The following ODAD2 variants were observed in gnomAD, a reference collection of about 807,000 sequenced individuals.
ODAD2 encodes outer dynein arm-docking complex subunit 2.
ODAD2 carries 89 observed loss-of-function variants against 106.8 expected under a neutral mutation model. The observed-to-expected ratio is 0.83, with a 90% CI of 0.70 to 0.99. The LOEUF (loss-of-function observed/expected upper bound fraction) is 0.99. ODAD2 is among the 50% of genes least tolerant of loss of function. ODAD2 has a pLI of 0.00. For missense variants in ODAD2, 1,168 were observed against 1,238.5 expected (o/e 0.94, Z 0.85); for synonymous variants, 404 against 436.2 (o/e 0.93, Z 0.92).
chr10:27,828,799 A>G (rs1286922267), intron 19 of ODAD2, among the ~76,000 whole-genome samples: 2 of 152,218 alleles, frequency 1.3e-5, no homozygotes, highest in Non-Finnish European at 2.9e-5. Context: ...AAATCTTACC[A>G]AGTAAGAAAA....
intron 19 of ODAD2, among the ~76,000 whole-genome samples, chr10:27,821,898 C>A (rs1836643787): frequency 1.3e-5 from 2 of 152,274 alleles, no homozygotes; most frequent in South Asian, 4.1e-4. Context: ...CTAAAACACA[C>A]CTAAAGACTT....
chr10:27,989,437 G>T (rs1224865695), intron 2 of ODAD2, among the ~76,000 whole-genome samples: 1 of 152,160 alleles, frequency 6.6e-6, no homozygotes, highest in East Asian at 1.9e-4. Flanking sequence ...TTAAGCTTCT[G>T]GAATAATGCC....
intron 19 of ODAD2, among the ~76,000 whole-genome samples, chr10:27,823,677 T>C (rs1225047275): frequency 6.6e-6 from 1 of 152,218 alleles, no homozygotes; most frequent in Non-Finnish European, 1.5e-5. Context: ...GGCATTAATA[T>C]TTGCTGTTAG....
intron 16 of ODAD2, among the ~76,000 whole-genome samples, chr10:27,918,875 A>G (rs1440868482): frequency 6.6e-6 from 1 of 151,660 alleles, no homozygotes; most frequent in Non-Finnish European, 1.5e-5. Context: ...ATACAAAGGT[A>G]TATTCAAAAA....
intron 17 of ODAD2, among the ~76,000 whole-genome samples, chr10:27,901,533 T>A (rs908051723): frequency 2.0e-5 from 3 of 151,976 alleles, no homozygotes; most frequent in Non-Finnish European, 4.4e-5. Flanking sequence ...TGGATAAAGA[T>A]CAAGACCCAC....
intron 2 of ODAD2, among the ~76,000 whole-genome samples, chr10:27,993,879 A>T (rs961180214): frequency 6.6e-6 from 1 of 152,090 alleles, no homozygotes; most frequent in Non-Finnish European, 1.5e-5. Flanking sequence ...ATCAGACTTT[A>T]AAAGTTCATA....
In ODAD2 at chr10:27,812,553, G is replaced by T; in HGVS notation, c.3094C>A (p.Arg1032Ser). 1 of 1,613,262 alleles carries T rather than the reference G, an allele frequency of 6.2e-7. No homozygotes were observed. The highest frequency in any genetic ancestry group is 8.5e-7 in the Non-Finnish European group (1 of 1,179,832). Reference sequence around the variant, plus strand: ...TTCTCTGTAGCAAGAGCCAGCCTGCGGATATTGGATATACAACCAGCTGCA... The same window carrying T: ...TTCTCTGTAGCAAGAGCCAGCCTGCTGATATTGGATATACAACCAGCTGCA... Reference protein sequence around the residue: ...EAAAGCISNIRRLALATEKAR... With the variant: ...EAAAGCISNISRLALATEKAR... Residue 1032 changes from arginine (R) to serine (S), a missense_variant, in exon 20 of 20, where the codon CGC (arginine) becomes AGC (serine). Transcript: ENST00000305242.
intron 19 of ODAD2, among the ~76,000 whole-genome samples, chr10:27,850,129 C>T (rs992675203): frequency 1.3e-5 from 2 of 152,144 alleles, no homozygotes; most frequent in Non-Finnish European, 1.5e-5. Flanking sequence ...TTAGTTTCCT[C>T]GTCTGCGAAC....
At chr10:27,927,451 A>G (rs1035438844) in intron 16 of ODAD2, among the ~76,000 whole-genome samples, 10 of 152,174 alleles carry the variant, frequency 6.6e-5, no homozygotes, top group Non-Finnish European at 1.5e-4. Flanking sequence ...AGTAGGTCCT[A>G]TAAATCTAGC....
intron 19 of ODAD2, among the ~76,000 whole-genome samples, chr10:27,813,941 G>A (rs541218149): frequency 5.9e-5 from 9 of 152,222 alleles, no homozygotes; most frequent in African/African-American, 1.9e-4. Flanking sequence ...TTCAATAAAT[G>A]GCCCCAGAAC....
intron 17 of ODAD2, among the ~76,000 whole-genome samples, chr10:27,873,955 G>T (rs1350929467): frequency 6.6e-6 from 1 of 152,096 alleles, no homozygotes; most frequent in Non-Finnish European, 1.5e-5. Context: ...TGACAGTGGG[G>T]TGTTAAAGTC....
chr10:27,876,505 T>G (rs906927795), intron 17 of ODAD2, among the ~76,000 whole-genome samples: 2 of 152,224 alleles, frequency 1.3e-5, no homozygotes. Flanking sequence ...GAAGGAAAAC[T>G]AATGAATCTG....
rs1589850700 is a variant in ODAD2 at position 27,862,625 on chromosome 10, A to C, written c.2611-3T>G. On this transcript the variant is annotated splice_region_variant and splice_polypyrimidine_tract_variant and intron_variant, in intron 17 of 19. Coordinates refer to ENST00000305242, the MANE Select transcript of ODAD2 (RefSeq NM_018076.5). Reference sequence around the variant, plus strand: ...GAACGAACCATTTCCCCAGCATCCTAGACAAAAATAAAAGTAAAGATGGTA... The same window carrying C: ...GAACGAACCATTTCCCCAGCATCCTCGACAAAAATAAAAGTAAAGATGGTA... 6.3e-7 allele frequency: 1 copy of C among 1,587,868 alleles called. No individual in the cohort carries two copies. The highest frequency in any genetic ancestry group is 2.3e-5 in the East Asian group (1 of 43,886).
intron 17 of ODAD2, among the ~76,000 whole-genome samples, chr10:27,876,061 G>A (rs539687853): frequency 9.3e-4 from 141 of 152,290 alleles, no homozygotes; most frequent in Non-Finnish European, 1.2e-3. Flanking sequence ...CTCGAACTGC[G>A]TGGAGCCCAC....
In ODAD2 at chr10:27,882,233, G is replaced by GAAAGAAAT. The variant is rs1451039386; in HGVS notation, c.2611-19612_2611-19611insATTTCTTT. On this transcript the variant is annotated intron_variant, in intron 17 of 19. Coordinates refer to ENST00000305242, the MANE Select transcript of ODAD2 (RefSeq NM_018076.5). ...AGAAAGAAAGAAAGAAAGAAAGAAA[G>GAAAGAAAT]AAATATGAACTCTCTGATCTCATTC... is the stretch of plus-strand genomic sequence containing the variant. 3.2e-4 allele frequency among the ~76,000 whole-genome samples: 46 copies of GAAAGAAAT among 145,342 alleles called. No homozygotes were observed. In the South Asian group the frequency reaches 3.5e-3, roughly 11 times the overall value.
At chr10:27,829,612 CAT>C (rs999171944) in intron 19 of ODAD2, among the ~76,000 whole-genome samples, 3 of 152,134 alleles carry the variant, frequency 2.0e-5, no homozygotes, top group Non-Finnish European at 4.4e-5. Context: ...AAACCTAAAA[CAT>C]ATTATCGTAA....
Position 27,915,093 on chromosome 10 carries a change from A to C in ODAD2, c.2496-7316T>G, listed in dbSNP as rs142765382. ...ATTAATCCATAGGTCCAAGAAGCTCAGCGAACCCTAAATAAAAGTAAAAGC... is the reference window on the plus strand; with the variant it reads ...ATTAATCCATAGGTCCAAGAAGCTCCGCGAACCCTAAATAAAAGTAAAAGC... On this transcript the variant is annotated intron_variant, in intron 16 of 19. Coordinates refer to ENST00000305242, the MANE Select transcript of ODAD2 (RefSeq NM_018076.5). Among the ~76,000 whole-genome samples the C allele has an allele frequency of 3.2e-3, 486 of 152,262 alleles. 3 individuals carry two copies. Among genetic ancestry groups the C allele is most frequent in the African/African-American group, 0.01 (432 of 41,558 alleles).
chr10:27,953,106 G>A lies in ODAD2; in HGVS notation c.1387-8144C>T, dbSNP rs553438303. 4.6e-5 allele frequency among the ~76,000 whole-genome samples: 7 copies of A among 152,260 alleles called. No homozygotes were observed. The South Asian group carries it at 1.0e-3, about 23-fold the overall frequency. ...CTGTGCAATCATTACTACGATGAAA[G>A]TAATAAATATATCCATCACCTGAAA... On this transcript the variant is annotated intron_variant, in intron 10 of 19. Coordinates refer to ENST00000305242, the MANE Select transcript of ODAD2 (RefSeq NM_018076.5).
intron 6 of ODAD2, among the ~76,000 whole-genome samples, chr10:27,982,267 C>T (rs1375988581): frequency 7.9e-5 from 12 of 152,114 alleles, no homozygotes; most frequent in East Asian, 7.7e-4. Context: ...CATTTCTATA[C>T]GTATGACCAG....
Sources: gnomAD v4.1 joint callset for allele counts (sites outside exome capture counted in the v4.1 genomes callset) on GRCh38, gnomAD v4.1.1 for gene constraint, MANE v1.5 for transcripts, NCBI Gene and HGNC (gene_info 2026-07-23, HGNC 2026-07-21) for gene names.